MEGF9: variants seen among roughly 807,000 people sequenced by gnomAD.
MEGF9 encodes the protein multiple EGF like domains 9.
In MEGF9, 6 loss-of-function variants were observed where a neutral mutation model predicts 46.8. The ratio of observed to expected loss-of-function variants is 0.13; its 90% CI spans 0.07 to 0.25. MEGF9 has a LOEUF of 0.25. Among genes scored for constraint, MEGF9 ranks in the 10% least tolerant of loss-of-function variants. The pLI is 1.00. For synonymous variants in MEGF9, 302 were observed against 330.7 expected, an observed-to-expected ratio of 0.91 and a Z score of 0.94; for missense variants, 683 against 792.4, an observed-to-expected ratio of 0.86 and a Z score of 1.66.
intron 2 of MEGF9, among the ~76,000 whole-genome samples, chr9:120,659,139 G>C (rs1239220952): frequency 1.3e-5 from 2 of 152,160 alleles, no homozygotes; most frequent in African/African-American, 4.8e-5. Context: ...AATTATCCCA[G>C]AGAAAAATTG....
At position 120,688,169 on chromosome 9, in the gene MEGF9, ACG is replaced by A. The variant is rs1221565020; in HGVS notation, c.601+25587_601+25588del. ...CACACACACACACACACACACACAC[ACG>A]CACGCACACACAACTTCTCTTAGGG... On this transcript the variant is annotated intron_variant, in intron 1 of 5. Transcript: ENST00000373930. 2.3e-3 allele frequency among the ~76,000 whole-genome samples: 314 copies of A among 138,096 alleles called. 3 individuals carry two copies. The highest frequency in any genetic ancestry group is 8.3e-3 in the African/African-American group (287 of 34,450). The allele number at this position is 138,096 out of a possible 152,430, so 90.6% of individuals were successfully genotyped here.
chr9:120,671,293 A>C (rs1216184343), intron 1 of MEGF9, among the ~76,000 whole-genome samples: 2 of 152,156 alleles, frequency 1.3e-5, no homozygotes, highest in African/African-American at 4.8e-5. Flanking sequence ...TACTCCAGTC[A>C]TCCCCATCAA....
chr9:120,652,206 T>G (rs1587984834), intron 2 of MEGF9, among the ~76,000 whole-genome samples: 16 of 45,004 alleles, frequency 3.6e-4, no homozygotes, highest in East Asian at 7.0e-4. Flanking sequence ...AAAAAACAGG[T>G]CAGGCATGGT....
chr9:120,652,672 A>T (rs564129935), intron 2 of MEGF9, among the ~76,000 whole-genome samples: 149 of 151,896 alleles, frequency 9.8e-4, no homozygotes, highest in Middle Eastern at 3.4e-3. Context: ...ATTTTTATGG[A>T]TATATAATAG....
At chr9:120,612,663 T>G in intron 3 of MEGF9, 124 bp from the exon 4 acceptor site, 1 of 808,384 alleles carries the variant, frequency 1.2e-6, no homozygotes, top group Non-Finnish European at 1.9e-6. Context: ...TTGGATAGAG[T>G]TAATTTCTAC....
chr9:120,684,984 A>C (rs566812864), intron 1 of MEGF9, among the ~76,000 whole-genome samples: 3 of 152,126 alleles, frequency 2.0e-5, no homozygotes, highest in African/African-American at 7.2e-5. Flanking sequence ...ACAGGCGCCC[A>C]CCACCACGCC....
At position 120,607,920 on chromosome 9, in the gene MEGF9, A is replaced by C. The variant is rs755131665; in HGVS notation, c.1178T>G (p.Phe393Cys). 1 of 1,614,006 alleles carries C rather than the reference A, an allele frequency of 6.2e-7. No homozygotes were observed. Among genetic ancestry groups the C allele is most frequent in the East Asian group, 2.2e-5 (1 of 44,888 alleles). The change falls in exon 5 of 6, where the codon TTT (phenylalanine) becomes TGT (cysteine). Residue 393 changes from phenylalanine to cysteine, a missense_variant. This residue lies in a region of MEGF9 where 313 missense variants were observed against 421.1 expected (regional missense o/e 0.74). Transcript: ENST00000373930. ...CNKCENGYYN[F>C]DSICRKCQCH... ...TTGGCACTTTCTACAGATGCTGTCA[A>C]AATTGTAATAGCCATTTTCACATTT...
At chr9:120,675,887 C>CAAAAAAAAA (rs1173047863) in intron 1 of MEGF9, among the ~76,000 whole-genome samples, 3 of 58,148 alleles carry the variant, frequency 5.2e-5, no homozygotes, top group African/African-American at 7.2e-5. Context: ...GACTCCATCT[C>CAAAAAAAAA]AAAAAAAAAA....
At chr9:120,649,888 G>A (rs2043642300) in intron 2 of MEGF9, among the ~76,000 whole-genome samples, 1 of 152,170 alleles carries the variant, frequency 6.6e-6, no homozygotes, top group African/African-American at 2.4e-5. Flanking sequence ...TATGGAAAAG[G>A]ATATTATCCA....
intron 2 of MEGF9, among the ~76,000 whole-genome samples, chr9:120,640,112 T>A (rs1022117480): frequency 1.3e-5 from 2 of 152,360 alleles, no homozygotes; most frequent in Admixed American, 6.5e-5. Flanking sequence ...TTGGAAAATA[T>A]AGATAAATCA....
chr9:120,675,330 T>C (rs1250638247), intron 1 of MEGF9, among the ~76,000 whole-genome samples: 1 of 152,228 alleles, frequency 6.6e-6, no homozygotes, highest in Non-Finnish European at 1.5e-5. Flanking sequence ...GTCATATCTG[T>C]AATCCCGGCA....
chr9:120,606,448 T>C (rs1310266485), intron 5 of MEGF9, among the ~76,000 whole-genome samples: 1 of 152,152 alleles, frequency 6.6e-6, no homozygotes, highest in African/African-American at 2.4e-5. Flanking sequence ...AAACAAATTT[T>C]AAATGTCTGA....
At chr9:120,706,588 AC>A (rs1178285749) in intron 1 of MEGF9, among the ~76,000 whole-genome samples, 2 of 152,270 alleles carry the variant, frequency 1.3e-5, no homozygotes, top group Admixed American at 1.3e-4. Flanking sequence ...TAATCCCAGT[AC>A]TTTGGAAGGC....
chr9:120,623,596 C>G (rs1215775615), intron 2 of MEGF9, among the ~76,000 whole-genome samples: 2 of 152,072 alleles, frequency 1.3e-5, no homozygotes, highest in Non-Finnish European at 2.9e-5. Context: ...CTAATTTATA[C>G]TATCAAGCAT....
intron 2 of MEGF9, among the ~76,000 whole-genome samples, chr9:120,629,166 GA>G (rs1391309187): frequency 6.6e-6 from 1 of 152,072 alleles, no homozygotes; most frequent in African/African-American, 2.4e-5. Flanking sequence ...TTTTTGTAGA[GA>G]CAGGTTCACA....
chr9:120,605,713 C>G lies in MEGF9; in HGVS notation c.1358-72G>C. The stretch of plus-strand genomic sequence containing the variant: ...GTTTTGAGAAACAATAAAAGAAATA[C>G]GCATGGGAGTGAATGTTGATGTAGG... On this transcript the variant is annotated intron_variant, in intron 5 of 5. Coordinates refer to ENST00000373930, the MANE Select transcript of MEGF9 (RefSeq NM_001080497.3). The surrounding 1 kb of genome is among the most constrained non-coding windows in gnomAD (Gnocchi z 4.0). 9.1e-7 allele frequency: 1 copy of G among 1,098,138 alleles called. No individual in the cohort carries two copies. Among genetic ancestry groups the G allele is most frequent in the East Asian group, 2.6e-5 (1 of 38,692 alleles). 68.0% of individuals were successfully genotyped at this position (1,098,138 alleles called of 1,614,324 possible).
intron 1 of MEGF9, among the ~76,000 whole-genome samples, chr9:120,695,298 G>C (rs1323661445): frequency 6.6e-6 from 1 of 151,862 alleles, no homozygotes; most frequent in Non-Finnish European, 1.5e-5. Flanking sequence ...TTAAAATAAG[G>C]GTCCTTAAAA....
chr9:120,714,432 CCGCCACCGCCACCGGGCG>C lies in MEGF9; in HGVS notation c.-92_-75del, dbSNP rs2043969879. On this transcript the variant is annotated 5_prime_UTR_variant, in exon 1 of 6. Coordinates refer to ENST00000373930, the MANE Select transcript of MEGF9 (RefSeq NM_001080497.3). ...ACCAAGGAAGCCTCCGCAACCGCCG[CCGCCACCGCCACCGGGCG>C]CACCATCGCCACCTCCCTCTGACAG... 2.6e-6 allele frequency: 3 copies of C among 1,158,290 alleles called. No homozygotes were observed. The Admixed American group carries it at 1.3e-4, about 51-fold the overall frequency. The allele number at this position is 1,158,290 out of a possible 1,614,324, so 71.8% of individuals were successfully genotyped here. A position where few individuals can be genotyped will look rare whatever the true frequency, so the allele number is the denominator to read the frequency against.
In MEGF9 at chr9:120,692,223, T is replaced by C. The variant is rs78363996; in HGVS notation, c.601+21535A>G. On this transcript the variant is annotated intron_variant, in intron 1 of 5. Transcript: ENST00000373930. ...GGCATACAGAAGGCACTTGTGTTTG[T>C]TTAACCTAACATCAGATCCATCAAG... Among the ~76,000 whole-genome samples the C allele has an allele frequency of 2.6e-5, 4 of 152,330 alleles. No individual in the cohort carries two copies. In the East Asian group the frequency reaches 7.7e-4, roughly 29 times the overall value.
Sources: allele counts gnomAD v4.1 joint callset (sites outside exome capture counted in the v4.1 genomes callset), GRCh38; gene constraint gnomAD v4.1.1; regional missense constraint gnomAD v4.1.1; non-coding constraint Gnocchi (gnomAD v3.1); transcripts MANE v1.5; gene names NCBI Gene and HGNC (gene_info 2026-07-23, HGNC 2026-07-21).